DLGAP1: variants seen among roughly 807,000 people sequenced by gnomAD.
The protein encoded by DLGAP1 is DLG associated protein 1.
DLGAP1 carries 11 observed loss-of-function variants against 90.8 expected under a neutral mutation model. The observed-to-expected ratio is 0.12, with a 90% CI of 0.08 to 0.20. The LOEUF is 0.20. Ranked by LOEUF, DLGAP1 falls within the 10% of genes least tolerant of loss-of-function variation. The probability of loss-of-function intolerance (pLI) is 1.00; values close to 1 mark genes in which losing one functional copy is unlikely to be tolerated. For missense variants in DLGAP1, 1,050 were observed against 1,333.8 expected (o/e 0.79, Z 3.31); for synonymous variants, 558 against 540.7 (o/e 1.03, Z -0.44).
intron 7 of DLGAP1, among the ~76,000 whole-genome samples, chr18:3,726,901 C>T (rs142594895): frequency 2.6e-3 from 402 of 152,262 alleles, no homozygotes; most frequent in Middle Eastern, 6.8e-3. Context: ...GGAGCAAATG[C>T]GATCCCCTCT....
intron 4 of DLGAP1, among the ~76,000 whole-genome samples, chr18:3,855,438 T>C (rs561022288): frequency 4.0e-5 from 6 of 149,660 alleles, no homozygotes; most frequent in Admixed American, 1.3e-4. Context: ...AAAATAAAAG[T>C]AAAAAAAAAG....
chr18:4,228,072 A>T (rs1470288807), intron 1 of DLGAP1, among the ~76,000 whole-genome samples: 1 of 151,786 alleles, frequency 6.6e-6, no homozygotes, highest in Non-Finnish European at 1.5e-5. Flanking sequence ...ACTATGAGTA[A>T]CTGTCAGGCA....
chr18:4,135,425 G>A (rs919859806), intron 2 of DLGAP1, among the ~76,000 whole-genome samples: 20 of 152,106 alleles, frequency 1.3e-4, no homozygotes, highest in African/African-American at 4.8e-4. Context: ...ATTAATTTAA[G>A]GCAGTAATTC....
chr18:4,178,496 A>C (rs2077155343), intron 1 of DLGAP1, among the ~76,000 whole-genome samples: 1 of 152,134 alleles, frequency 6.6e-6, no homozygotes, highest in Non-Finnish European at 1.5e-5. Flanking sequence ...ACTAAACCTT[A>C]TTTATCTTTG....
chr18:4,432,592 G>GTGTGTGTGTA (rs139631255), intron 1 of DLGAP1, among the ~76,000 whole-genome samples: 56,069 of 107,920 alleles, frequency 0.52, 11,123 homozygotes, highest in East Asian at 0.66. Flanking sequence ...CTCACATAGT[G>GTGTGTGTGTA]TGTGTGTGTG....
At chr18:4,230,443 A>C (rs2078277344) in intron 1 of DLGAP1, among the ~76,000 whole-genome samples, 1 of 152,120 alleles carries the variant, frequency 6.6e-6, no homozygotes, top group Non-Finnish European at 1.5e-5. Context: ...ACAATGGAGT[A>C]CTGTTAGCCA....
chr18:3,858,901 A>C (rs372804151), intron 4 of DLGAP1, among the ~76,000 whole-genome samples: 13 of 152,282 alleles, frequency 8.5e-5, no homozygotes, highest in African/African-American at 3.1e-4. Context: ...TGGTGGATGA[A>C]GCTATTGAAT....
At chr18:4,428,845 G>GA (rs1598406288) in intron 1 of DLGAP1, among the ~76,000 whole-genome samples, 1 of 152,204 alleles carries the variant, frequency 6.6e-6, no homozygotes, top group East Asian at 1.9e-4. Flanking sequence ...AGTGGAGGGT[G>GA]AAAGTGGGGT....
Position 3,567,577 on chromosome 18 carries a change from T to C in DLGAP1, c.1970A>G (p.Asp657Gly). 6.2e-7 allele frequency: 1 copy of C among 1,613,712 alleles called. No individual in the cohort carries two copies. Among genetic ancestry groups the C allele is most frequent in the Non-Finnish European group, 8.5e-7 (1 of 1,179,756 alleles). Residue 657 changes from aspartate (D) to glycine (G), a missense_variant, in exon 9 of 13, where the codon GAT becomes GGT. Asp to Gly is a moderately conservative substitution (Grantham distance 94). Coordinates refer to ENST00000315677, the MANE Select transcript of DLGAP1 (RefSeq NM_004746.4). ...NRCLSIGIQVDDAEEPDKTGE... is the reference protein window; with the variant it reads ...NRCLSIGIQVGDAEEPDKTGE... ...TGTTTTGTCAGGTTCTTCAGCATCATCCACCTGGAGAAATCATCAAATAAA... is the reference window on the plus strand; with the variant it reads ...TGTTTTGTCAGGTTCTTCAGCATCACCCACCTGGAGAAATCATCAAATAAA...
intron 3 of DLGAP1, among the ~76,000 whole-genome samples, chr18:3,891,663 G>A (rs1228046002): frequency 6.6e-6 from 1 of 152,128 alleles, no homozygotes; most frequent in Admixed American, 6.5e-5. Context: ...TTAAATGCAT[G>A]ATCTCATTTT....
At chr18:4,096,271 C>T (rs1256953505) in intron 2 of DLGAP1, among the ~76,000 whole-genome samples, 1 of 152,098 alleles carries the variant, frequency 6.6e-6, no homozygotes, top group Non-Finnish European at 1.5e-5. Flanking sequence ...GTGATCCTCC[C>T]ACCTCGGCCT....
At chr18:4,012,863 T>G (rs549393141) in intron 2 of DLGAP1, among the ~76,000 whole-genome samples, 116 of 152,090 alleles carry the variant, frequency 7.6e-4, no homozygotes, top group South Asian at 2.1e-3. Flanking sequence ...CATGGCCAGC[T>G]AATTAAAAAG....
At chr18:3,934,468 G>A (rs1458513944) in intron 3 of DLGAP1, among the ~76,000 whole-genome samples, 1 of 152,136 alleles carries the variant, frequency 6.6e-6, no homozygotes, top group Non-Finnish European at 1.5e-5. Context: ...ATGCAGGGAT[G>A]TATGGAGAGA....
At chr18:4,449,187 A>C (rs562272955) in intron 1 of DLGAP1, among the ~76,000 whole-genome samples, 1 of 152,356 alleles carries the variant, frequency 6.6e-6, no homozygotes, top group East Asian at 1.9e-4. Context: ...AAGGGTCAGA[A>C]TAAAGTAAGA....
At chr18:4,402,063 T>A (rs1255704639) in intron 1 of DLGAP1, among the ~76,000 whole-genome samples, 1 of 152,210 alleles carries the variant, frequency 6.6e-6, no homozygotes. Context: ...TGAGAGAAAG[T>A]AGCCTCAGCA....
chr18:4,220,463 A>T (rs1316481883), intron 1 of DLGAP1, among the ~76,000 whole-genome samples: 1 of 152,148 alleles, frequency 6.6e-6, no homozygotes, highest in Non-Finnish European at 1.5e-5. Flanking sequence ...CAGGTGGGGA[A>T]ATCAGAAGAG....
In DLGAP1 at chr18:3,499,444, T is replaced by G. The variant is rs987440212; in HGVS notation, c.2725-50A>C. ...CATTACACAGCTTCTCAGGACAAGC[T>G]TGGGAAAAACTGGGATAGGTCAGTA... On this transcript the variant is annotated intron_variant, in intron 12 of 12. Transcript: ENST00000315677. The surrounding 1 kb of genome is among the most constrained non-coding windows in gnomAD (Gnocchi z 6.4). 6.5e-7 allele frequency: 1 copy of G among 1,542,164 alleles called. No individual in the cohort carries two copies. Among genetic ancestry groups the G allele is most frequent in the Non-Finnish European group, 8.8e-7 (1 of 1,142,812 alleles).
intron 3 of DLGAP1, among the ~76,000 whole-genome samples, chr18:3,918,903 T>C (rs2072205730): frequency 6.6e-6 from 1 of 151,970 alleles, no homozygotes; most frequent in Non-Finnish European, 1.5e-5. Flanking sequence ...GCACTAGAGA[T>C]GCGTAGCTTA....
intron 7 of DLGAP1, among the ~76,000 whole-genome samples, chr18:3,617,184 G>T (rs1242541442): frequency 6.6e-6 from 1 of 152,140 alleles, no homozygotes; most frequent in Non-Finnish European, 1.5e-5. Context: ...TAAGTTTTGG[G>T]GGTGATCCGT....
Sources: allele counts gnomAD v4.1 joint callset (sites outside exome capture counted in the v4.1 genomes callset), GRCh38; gene constraint gnomAD v4.1.1; non-coding constraint Gnocchi (gnomAD v3.1); transcripts MANE v1.5; gene names NCBI Gene and HGNC (gene_info 2026-07-23, HGNC 2026-07-21).